NTN1: variants seen among roughly 807,000 people sequenced by gnomAD.
NTN1 encodes the protein netrin 1, also known as netrin-1.
NTN1 carries 11 observed loss-of-function variants against 54.2 expected under a neutral mutation model. That is an observed-to-expected ratio of 0.20 (90% CI 0.13 to 0.34). The LOEUF (loss-of-function observed/expected upper bound fraction) is 0.34, where lower values mean the gene tolerates loss of function less well. Ranked by LOEUF, NTN1 falls within the 10% of genes least tolerant of loss-of-function variation. The pLI is 1.00. For missense variants in NTN1, 740 were observed against 893.1 expected, an observed-to-expected ratio of 0.83 and a Z score of 2.18; for synonymous variants, 371 against 382.0, an observed-to-expected ratio of 0.97 and a Z score of 0.33.
chr17:9,145,012 G>T (rs73268276), intron 2 of NTN1, among the ~76,000 whole-genome samples: 3 of 152,192 alleles, frequency 2.0e-5, no homozygotes, highest in Non-Finnish European at 4.4e-5. Flanking sequence ...AAGGTGGAGC[G>T]GCGGGGGCCA....
At chr17:9,155,109 G>A (rs944166287) in intron 2 of NTN1, among the ~76,000 whole-genome samples, 1 of 152,210 alleles carries the variant, frequency 6.6e-6, no homozygotes, top group African/African-American at 2.4e-5. Flanking sequence ...GTTCCAGAGA[G>A]GTCCAGAAGA....
chr17:9,222,344 T>TG (rs1474717949), intron 6 of NTN1, among the ~76,000 whole-genome samples: 1 of 152,170 alleles, frequency 6.6e-6, no homozygotes, highest in Non-Finnish European at 1.5e-5. Flanking sequence ...CCCCAGCACC[T>TG]CCTGGCCACC....
At chr17:9,107,307 T>C (rs1426439454) in intron 2 of NTN1, among the ~76,000 whole-genome samples, 1 of 152,262 alleles carries the variant, frequency 6.6e-6, no homozygotes, top group Non-Finnish European at 1.5e-5. Flanking sequence ...GTATTTTAAT[T>C]AAAGACTGAA....
intron 6 of NTN1, among the ~76,000 whole-genome samples, chr17:9,222,468 C>T (rs1905391471): frequency 6.6e-6 from 1 of 152,192 alleles, no homozygotes; most frequent in Non-Finnish European, 1.5e-5. Context: ...CCTCAGTTTC[C>T]TTATATGTAA....
At chr17:9,030,078 A>G (rs1382111182) in intron 2 of NTN1, among the ~76,000 whole-genome samples, 3 of 152,228 alleles carry the variant, frequency 2.0e-5, no homozygotes, top group East Asian at 1.9e-4. Flanking sequence ...CCCCAAATAC[A>G]TTATTTTGTG....
rs1168027458 is a variant in NTN1 at position 9,112,607 on chromosome 17, C to T, written c.1019-50206C>T. Among the ~76,000 whole-genome samples, 5 of 151,662 alleles carry T rather than the reference C, an allele frequency of 3.3e-5. No individual in the cohort carries two copies. In the South Asian group the frequency reaches 6.3e-4, roughly 19 times the overall value. The stretch of plus-strand genomic sequence containing the variant: ...TTGGGAGGCCGAGGCAGGCGGATCA[C>T]GAGGTCAGGAGATCGAGACCATCCT... On this transcript the variant is annotated intron_variant, in intron 2 of 6. Transcript: ENST00000173229.
intron 3 of NTN1, among the ~76,000 whole-genome samples, chr17:9,163,823 A>G (rs1390492335): frequency 6.6e-6 from 1 of 152,206 alleles, no homozygotes; most frequent in Non-Finnish European, 1.5e-5. Flanking sequence ...TGGGAATTCC[A>G]GGAACCAGGG....
chr17:9,177,699 T>C (rs572078207), intron 3 of NTN1: 2 of 152,190 alleles, frequency 1.3e-5, no homozygotes, highest in Non-Finnish European at 2.9e-5. Context: ...CCATGCTCCA[T>C]CTCCCTTCCT....
At chr17:9,072,218 C>T (rs1034314110) in intron 2 of NTN1, among the ~76,000 whole-genome samples, 10 of 151,138 alleles carry the variant, frequency 6.6e-5, no homozygotes, top group Non-Finnish European at 1.3e-4. Context: ...AGCCCCCTCC[C>T]GGGTGGCCCT....
chr17:9,232,867 G>A (rs1275240568), intron 6 of NTN1, among the ~76,000 whole-genome samples: 1 of 152,152 alleles, frequency 6.6e-6, no homozygotes, highest in African/African-American at 2.4e-5. Context: ...GGCCTGGGAA[G>A]CATGTGCTCA....
intron 5 of NTN1, among the ~76,000 whole-genome samples, chr17:9,215,177 A>G (rs187287221): frequency 6.6e-6 from 1 of 151,416 alleles, no homozygotes; most frequent in Admixed American, 6.6e-5. Flanking sequence ...ACCTCATTCT[A>G]CTTCATAGTT....
chr17:9,082,679 AT>A (rs2092075673), intron 2 of NTN1, among the ~76,000 whole-genome samples: 1 of 148,940 alleles, frequency 6.7e-6, no homozygotes, highest in African/African-American at 2.5e-5. Flanking sequence ...CTACGAGTGC[AT>A]AGAGTAGAGA....
intron 2 of NTN1, among the ~76,000 whole-genome samples, chr17:9,146,669 A>G (rs1173012719): frequency 6.6e-6 from 1 of 152,126 alleles, no homozygotes; most frequent in African/African-American, 2.4e-5. Context: ...GCTGAGACAG[A>G]GTGAGGCGGG....
At position 9,022,559 on chromosome 17, in the gene NTN1, G is replaced by C. The variant is rs756628226; in HGVS notation, c.186G>C (p.Lys62Asn). Residue 62 changes from lysine (K) to asparagine (N), a missense_variant, in exon 2 of 7, where the codon AAG (lysine) becomes AAC (asparagine). Transcript: ENST00000173229. The stretch of plus-strand genomic sequence containing the variant: ...ACTTTGTCAATGCGGCCTTCGGCAA[G>C]GACGTGCGCGTGTCCAGCACCTGCG... The part of the protein sequence containing the change: ...IPDFVNAAFG[K>N]DVRVSSTCGR... 2 of 1,548,292 alleles carry C rather than the reference G, an allele frequency of 1.3e-6. No individual in the cohort carries two copies. The highest frequency in any genetic ancestry group is 8.7e-7 in the Non-Finnish European group (1 of 1,148,456).
intron 2 of NTN1, among the ~76,000 whole-genome samples, chr17:9,036,644 A>G (rs961797521): frequency 4.6e-5 from 7 of 152,086 alleles, no homozygotes; most frequent in African/African-American, 1.7e-4. Context: ...AAGTGTCTTT[A>G]CTTCTCTGGG....
At chr17:9,159,322 GTC>G (rs2092351298) in intron 2 of NTN1, among the ~76,000 whole-genome samples, 1 of 152,136 alleles carries the variant, frequency 6.6e-6, no homozygotes, top group Admixed American at 6.5e-5. Context: ...AATTAAAATC[GTC>G]TGTGTGTGTG....
chr17:9,163,076 CT>C, intron 3 of NTN1, 75 bp downstream of exon 3: 1 of 1,435,762 alleles, frequency 7.0e-7, no homozygotes, highest in Non-Finnish European at 9.4e-7. Context: ...TCCTCGCTTC[CT>C]TTTCTATTTT....
intron 5 of NTN1, among the ~76,000 whole-genome samples, chr17:9,196,164 G>C (rs1234533297): frequency 1.3e-5 from 2 of 152,206 alleles, no homozygotes; most frequent in Non-Finnish European, 2.9e-5. Flanking sequence ...TGCAGAGCCA[G>C]CCTCGTGTTC....
chr17:9,027,849 C>T (rs904746572), intron 2 of NTN1, among the ~76,000 whole-genome samples: 3 of 152,088 alleles, frequency 2.0e-5, no homozygotes, highest in African/African-American at 7.3e-5. Context: ...TTCTTGATTT[C>T]AGGGCCTGTA....
Sources: gnomAD v4.1 joint callset for allele counts (sites outside exome capture counted in the v4.1 genomes callset) on GRCh38, gnomAD v4.1.1 for gene constraint, MANE v1.5 for transcripts, NCBI Gene and HGNC (gene_info 2026-07-23, HGNC 2026-07-21) for gene names.